RAD51: variants seen among roughly 807,000 people sequenced by gnomAD.
The protein encoded by RAD51 is RAD51 recombinase.
RAD51 carries 14 observed loss-of-function variants against 41.5 expected under a neutral mutation model. The observed-to-expected ratio is 0.34, with a 90% confidence interval of 0.22 to 0.53. The LOEUF (loss-of-function observed/expected upper bound fraction) is 0.53. RAD51 is among the 20% of genes least tolerant of loss of function. The pLI, the probability that RAD51 is intolerant of heterozygous loss-of-function variation, is 0.95. For missense variants in RAD51, 234 were observed against 422.0 expected (o/e 0.55, Z 3.90); for synonymous variants, 136 against 148.6 (o/e 0.92, Z 0.62).
At chr15:40,698,183 CT>C (rs34665687) in intron 1 of RAD51, among the ~76,000 whole-genome samples, 39,308 of 143,918 alleles carry the variant, frequency 0.27, 6,020 homozygotes, top group Middle Eastern at 0.37. Context: ...ATGAGATGAA[CT>C]TTTTTTTTTT....
intron 6 of RAD51, among the ~76,000 whole-genome samples, chr15:40,725,332 C>T (rs1031842136): frequency 6.6e-6 from 1 of 152,076 alleles, no homozygotes; most frequent in Non-Finnish European, 1.5e-5. Flanking sequence ...GACTGTGCCT[C>T]GCTGAAAAAT....
intron 6 of RAD51, among the ~76,000 whole-genome samples, chr15:40,726,871 C>G (rs1487650780): frequency 6.6e-6 from 1 of 150,992 alleles, no homozygotes; most frequent in Non-Finnish European, 1.5e-5. Flanking sequence ...CGAGATCGTG[C>G]CACTGCACTC....
At chr15:40,718,727 T>C (rs1252040074) in intron 5 of RAD51, 78 bp from the exon 6 acceptor site, 3 of 1,258,420 alleles carry the variant, frequency 2.4e-6, no homozygotes, top group African/African-American at 1.5e-5. Context: ...GGAGGAATTA[T>C]AAAGATGTCA....
chr15:40,699,336 T>G (rs906266206), intron 2 of RAD51, among the ~76,000 whole-genome samples: 1 of 152,160 alleles, frequency 6.6e-6, no homozygotes, highest in Non-Finnish European at 1.5e-5. Context: ...AGAGACAGGG[T>G]TTCTCCATGT....
rs536359316 is a variant in RAD51 at position 40,722,063 on chromosome 15, A to C, written c.530+3164A>C. On this transcript the variant is annotated intron_variant, in intron 6 of 9. Coordinates refer to ENST00000267868, the MANE Select transcript of RAD51 (RefSeq NM_002875.5). ...GTAGGAAATTCTGACACATGCTATT[A>C]ACATCCACTAACCTTCAGGGCATTA... Among the ~76,000 whole-genome samples the C allele has an allele frequency of 3.9e-5, 6 of 152,356 alleles. No homozygotes were observed. In the South Asian group the frequency reaches 1.2e-3, roughly 32 times the overall value.
intron 6 of RAD51, among the ~76,000 whole-genome samples, chr15:40,722,670 A>G (rs1896340780): frequency 6.6e-6 from 1 of 152,174 alleles, no homozygotes. Context: ...GCTCAATTTA[A>G]TGTTATATGT....
rs1000261225 is a variant in RAD51 at position 40,716,470 on chromosome 15, A to G, written c.436-2335A>G. Among the ~76,000 whole-genome samples the G allele has an allele frequency of 4.6e-5, 7 of 151,582 alleles. No homozygotes were observed. The East Asian group carries it at 1.2e-3, about 25-fold the overall frequency. On this transcript the variant is annotated intron_variant, in intron 5 of 9. Coordinates refer to ENST00000267868, the MANE Select transcript of RAD51 (RefSeq NM_002875.5). ...ACCCTCCGCCTCCCAGGTTCAAGTG[A>G]TTCTTGTGCCCCAGCCTCCCGAGTA...
chr15:40,713,991 A>ATTTTTTTTT (rs1178951720), intron 5 of RAD51, among the ~76,000 whole-genome samples: 3 of 72,626 alleles, frequency 4.1e-5, no homozygotes, highest in African/African-American at 1.6e-4. Flanking sequence ...TCAGAAATAA[A>ATTTTTTTTT]TTCTTTTTTT....
At chr15:40,728,121 A>G (rs1567054338) in intron 6 of RAD51, among the ~76,000 whole-genome samples, 1 of 152,076 alleles carries the variant, frequency 6.6e-6, no homozygotes, top group East Asian at 1.9e-4. Flanking sequence ...CGGCATCCCA[A>G]AGTGCTAGGA....
intron 5 of RAD51, among the ~76,000 whole-genome samples, chr15:40,715,280 G>C (rs1895929415): frequency 6.6e-6 from 1 of 152,120 alleles, no homozygotes; most frequent in Non-Finnish European, 1.5e-5. Context: ...GCTTGAACCT[G>C]GGAAGTGGAG....
rs1896866810 is a variant in RAD51, at chr15:40,731,308, T to C, written c.*130T>C. The C allele has an allele frequency of 1.6e-6, 2 of 1,229,746 alleles. No individual in the cohort carries two copies. The highest frequency in any genetic ancestry group is 2.3e-6 in the Non-Finnish European group (2 of 856,084). 76.2% of individuals were successfully genotyped at this position (1,229,746 alleles called of 1,614,324 possible). A position where few individuals can be genotyped will look rare whatever the true frequency, so the allele number is the denominator to read the frequency against. ...GATAAAGCTTCCGGGAAAACAGCTA[T>C]TATATCAGCTTTTCTGATGGTATAA... On this transcript the variant is annotated 3_prime_UTR_variant, in exon 10 of 10. Coordinates refer to ENST00000267868, the MANE Select transcript of RAD51 (RefSeq NM_002875.5).
At chr15:40,702,881 T>C (rs1895091235) in intron 3 of RAD51, among the ~76,000 whole-genome samples, 1 of 151,394 alleles carries the variant, frequency 6.6e-6, no homozygotes, top group South Asian at 2.1e-4. Context: ...TGGAGTGCAG[T>C]GGCATGATCA....
At chr15:40,698,710 A>C (rs1894805482) in intron 1 of RAD51, 47 bp from the exon 2 acceptor site, 3 of 1,533,698 alleles carry the variant, frequency 2.0e-6, no homozygotes, top group South Asian at 1.1e-5. Flanking sequence ...AGAGAGATGC[A>C]CCTTATTTCT....
intron 5 of RAD51, among the ~76,000 whole-genome samples, chr15:40,715,703 C>G (rs1227590758): frequency 6.6e-6 from 1 of 152,156 alleles, no homozygotes; most frequent in Admixed American, 6.5e-5. Flanking sequence ...GGAGCTTGTC[C>G]ACTATCCTGT....
chr15:40,708,672 C>G (rs1344038649), intron 4 of RAD51, among the ~76,000 whole-genome samples: 1 of 152,176 alleles, frequency 6.6e-6, no homozygotes, highest in Non-Finnish European at 1.5e-5. Context: ...CAACTTCTGC[C>G]TCCCAGGCTC....
At position 40,728,789 on chromosome 15, in the gene RAD51, C is replaced by G. The variant is rs900916409; in HGVS notation, c.609C>G (p.Leu203=). The G allele has an allele frequency of 5.0e-6, 8 of 1,613,858 alleles. No homozygotes were observed. The African/African-American group carries it at 1.1e-4, about 22-fold the overall frequency. The change falls in exon 7 of 10, where the codon CTC becomes CTG. Residue 203 remains leucine (L), a synonymous_variant. Transcript: ENST00000267868. ...RAFNTDHQTQ[L]LYQASAMMVE... Reference sequence around the variant, plus strand: ...TCAACACAGACCACCAGACCCAGCTCCTTTATCAAGCATCAGCCATGATGG... The same window carrying G: ...TCAACACAGACCACCAGACCCAGCTGCTTTATCAAGCATCAGCCATGATGG...
chr15:40,715,216 C>CT (rs1320154195), intron 5 of RAD51, among the ~76,000 whole-genome samples: 1 of 151,764 alleles, frequency 6.6e-6, no homozygotes, highest in Non-Finnish European at 1.5e-5. Flanking sequence ...ATTAGCCAGG[C>CT]GTGGGGGTGG....
At chr15:40,712,501 A>T (rs923135359) in intron 5 of RAD51, among the ~76,000 whole-genome samples, 1 of 152,210 alleles carries the variant, frequency 6.6e-6, no homozygotes, top group African/African-American at 2.4e-5. Context: ...ACAAACTTTC[A>T]TCTTTTCTGC....
intron 3 of RAD51, among the ~76,000 whole-genome samples, chr15:40,704,752 C>G (rs1047045176): frequency 6.6e-6 from 1 of 151,430 alleles, no homozygotes; most frequent in African/African-American, 2.4e-5. Flanking sequence ...TCACTGCAAC[C>G]TCCGCCTCCC....
Sources: gnomAD v4.1 joint callset for allele counts (sites outside exome capture counted in the v4.1 genomes callset) on GRCh38, gnomAD v4.1.1 for gene constraint, MANE v1.5 for transcripts, NCBI Gene and HGNC (gene_info 2026-07-23, HGNC 2026-07-21) for gene names.